Variants in CLTA observed in about 807,000 individuals in gnomAD.
CLTA encodes clathrin light chain A, also known as clathrin, light polypeptide (Lca).
A neutral mutation model predicts 26.9 loss-of-function variants in CLTA; 9 were observed. That is an observed-to-expected ratio of 0.33 (90% CI 0.20 to 0.58). The LOEUF (loss-of-function observed/expected upper bound fraction) is 0.58. Among genes scored for constraint, CLTA ranks in the 20% least tolerant of loss-of-function variants. The pLI is 0.85. For missense variants in CLTA, 278 were observed against 294.2 expected (o/e 0.94, Z 0.40); for synonymous variants, 120 against 115.5 (o/e 1.04, Z -0.25).
At chr9:36,205,547 TG>T (rs1827668245) in intron 4 of CLTA, among the ~76,000 whole-genome samples, 1 of 152,316 alleles carries the variant, frequency 6.6e-6, no homozygotes, top group East Asian at 1.9e-4. Flanking sequence ...AAGTTTAGTC[TG>T]AAGTACTGTA....
At chr9:36,203,610 A>G (rs1827546566) in intron 3 of CLTA, among the ~76,000 whole-genome samples, 1 of 152,218 alleles carries the variant, frequency 6.6e-6, no homozygotes, top group Admixed American at 6.5e-5. Flanking sequence ...CTAGTTTGGG[A>G]GAAGAGGTAA....
At chr9:36,211,066 C>T (rs1255167053) in intron 4 of CLTA, among the ~76,000 whole-genome samples, 1 of 152,192 alleles carries the variant, frequency 6.6e-6, no homozygotes, top group Non-Finnish European at 1.5e-5. Context: ...TAACAAACCC[C>T]CTTCCAGAAT....
intron 3 of CLTA, among the ~76,000 whole-genome samples, chr9:36,201,627 T>C (rs548753584): frequency 1.3e-5 from 2 of 152,332 alleles, no homozygotes; most frequent in South Asian, 2.1e-4. Context: ...TCAAAATACA[T>C]TGAAAGAAAA....
In CLTA at chr9:36,211,841, C is replaced by T; in HGVS notation, c.*67C>T. ...CCTACTCAGTGAAGCTCTTCACAGT[C>T]ATTGGATTAATTATGTTGAGTTCTT... On this transcript the variant is annotated 3_prime_UTR_variant, in exon 5 of 5. Coordinates refer to ENST00000345519, the MANE Select transcript of CLTA (RefSeq NM_001833.4). 7.6e-7 allele frequency: 1 copy of T among 1,317,768 alleles called. No homozygotes were observed. The highest frequency in any genetic ancestry group is 1.1e-6 in the Non-Finnish European group (1 of 941,588). The allele number at this position is 1,317,768 out of a possible 1,614,324, so 81.6% of individuals were successfully genotyped here. A position where few individuals can be genotyped will look rare whatever the true frequency, so the allele number is the denominator to read the frequency against.
At chr9:36,197,692 C>T (rs1827135007) in intron 2 of CLTA, 104 bp downstream of exon 2, 2 of 800,370 alleles carry the variant, frequency 2.5e-6, no homozygotes, top group Non-Finnish European at 4.1e-6. Context: ...TTTGACTTTC[C>T]TGAATGTATT....
intron 1 of CLTA, 142 bp downstream of exon 1, chr9:36,191,415 C>G (rs550984188): frequency 1.9e-6 from 2 of 1,047,896 alleles, no homozygotes; most frequent in East Asian, 6.2e-5. Context: ...AGACCCTGGC[C>G]CGGTCTTTCA....
intron 3 of CLTA, among the ~76,000 whole-genome samples, 181 bp downstream of exon 3, chr9:36,199,277 G>A (rs928010635): frequency 4.6e-5 from 7 of 152,096 alleles, no homozygotes; most frequent in Non-Finnish European, 7.4e-5. Flanking sequence ...AGGCCATTGT[G>A]TGAGGAGTAG....
At chr9:36,209,585 G>A (rs561220478) in intron 4 of CLTA, among the ~76,000 whole-genome samples, 13 of 152,200 alleles carry the variant, frequency 8.5e-5, no homozygotes, top group Non-Finnish European at 1.6e-4. Context: ...TGTGTCATTT[G>A]CGATCTTATC....
At chr9:36,211,149 C>T (rs1052303343) in intron 4 of CLTA, among the ~76,000 whole-genome samples, 11 of 152,214 alleles carry the variant, frequency 7.2e-5, no homozygotes, top group African/African-American at 2.7e-4. Context: ...CGTTTCTCTC[C>T]AGCCTTAGGA....
rs559033766 is a variant in CLTA, at chr9:36,198,762, A to G, written c.256-217A>G. Among the ~76,000 whole-genome samples, 195 of 149,386 alleles carry G rather than the reference A, an allele frequency of 1.3e-3. 2 individuals carry two copies. Among genetic ancestry groups the G allele is most frequent in the African/African-American group, 4.7e-3 (189 of 40,478 alleles). ...GGCGCAGGCACCTGTAATCTCAGCT[A>G]CTCGGGAGGCTGAGGCAGGAGAATT... On this transcript the variant is annotated intron_variant, in intron 2 of 4. Coordinates refer to ENST00000345519, the MANE Select transcript of CLTA (RefSeq NM_001833.4).
At position 36,197,753 on chromosome 9, in the gene CLTA, A is replaced by G. The variant is rs115429562; in HGVS notation, c.255+165A>G. ...GTGGAAAGATTTAAAGAGAGGTAGCATTGATAAAAAGAGAACTGTTTAAAA... is the reference window on the plus strand; with the variant it reads ...GTGGAAAGATTTAAAGAGAGGTAGCGTTGATAAAAAGAGAACTGTTTAAAA... On this transcript the variant is annotated intron_variant, in intron 2 of 4. Coordinates refer to ENST00000345519, the MANE Select transcript of CLTA (RefSeq NM_001833.4). Among the ~76,000 whole-genome samples the G allele has an allele frequency of 4.7e-3, 710 of 152,352 alleles. 8 individuals are homozygous for G. Among genetic ancestry groups the G allele is most frequent in the African/African-American group, 0.016 (666 of 41,580 alleles).
At chr9:36,201,228 C>T (rs1301668471) in intron 3 of CLTA, among the ~76,000 whole-genome samples, 1 of 152,154 alleles carries the variant, frequency 6.6e-6, no homozygotes, top group Non-Finnish European at 1.5e-5. Flanking sequence ...CAAGGTGTTC[C>T]TTCAATTTCA....
At chr9:36,200,472 C>T (rs1158201038) in intron 3 of CLTA, among the ~76,000 whole-genome samples, 1 of 152,178 alleles carries the variant, frequency 6.6e-6, no homozygotes, top group Non-Finnish European at 1.5e-5. Context: ...GTATTATTCC[C>T]TCTTGGGAAC....
Position 36,206,086 on chromosome 9 carries a change from C to T in CLTA, c.485+1907C>T, listed in dbSNP as rs16933064. 8.1e-3 allele frequency among the ~76,000 whole-genome samples: 1,233 copies of T among 152,224 alleles called. 20 individuals are homozygous for T. Among genetic ancestry groups the T allele is most frequent in the African/African-American group, 0.027 (1,139 of 41,538 alleles). On this transcript the variant is annotated intron_variant, in intron 4 of 4. Transcript: ENST00000345519. ...TGACACCTGTTTTTAGGAGCTCAGT[C>T]TTAAAAGTTTAGTCCCTCCAGGCAT...
At position 36,209,366 on chromosome 9, in the gene CLTA, CTT is replaced by C. The variant is rs760304203; in HGVS notation, c.486-2234_486-2233del. 46 of 1,450,038 alleles carry C rather than the reference CTT, an allele frequency of 3.2e-5. No homozygotes were observed. The Admixed American group carries it at 3.2e-4, about 10-fold the overall frequency. The allele number at this position is 1,450,038 out of a possible 1,614,324, so 89.8% of individuals were successfully genotyped here. ...CTTTTTCTACATCTGATTCTTTCTACTTTTGTTTAGAGTTAATGCTCCTTTTA... is the reference window on the plus strand; with the variant it reads ...CTTTTTCTACATCTGATTCTTTCTACTTGTTTAGAGTTAATGCTCCTTTTA... On this transcript the variant is annotated intron_variant, in intron 4 of 4. Transcript: ENST00000345519.
In CLTA at chr9:36,211,656, A is replaced by G; in HGVS notation, c.539A>G (p.Glu180Gly). 1.2e-6 allele frequency: 2 copies of G among 1,614,064 alleles called. No homozygotes were observed. Among genetic ancestry groups the G allele is most frequent in the Non-Finnish European group, 1.7e-6 (2 of 1,179,940 alleles). ...ATTGACGAGTCGTCCCCAGGCACTG[A>G]GTGGGAACGGGTGGCCCGGCTGTGT... ...NDIDESSPGT[E>G]WERVARLCDF... The change falls in exon 5 of 5, where the codon GAG becomes GGG. Residue 180 changes from glutamate to glycine, a missense_variant. By Grantham distance (98) the Glu-to-Gly change is moderately conservative. Transcript: ENST00000345519.
At chr9:36,199,980 TCA>T (rs1189403781) in intron 3 of CLTA, among the ~76,000 whole-genome samples, 1 of 152,206 alleles carries the variant, frequency 6.6e-6, no homozygotes, top group Non-Finnish European at 1.5e-5. Context: ...TGCTTCAAAG[TCA>T]CTACCCATCC....
chr9:36,206,711 A>G (rs1827745520), intron 4 of CLTA, among the ~76,000 whole-genome samples: 1 of 152,046 alleles, frequency 6.6e-6, no homozygotes, highest in African/African-American at 2.4e-5. Context: ...CCTGCCCAAC[A>G]TGGTGAAACC....
chr9:36,197,126 G>A (rs937004050), intron 1 of CLTA, among the ~76,000 whole-genome samples: 1 of 152,240 alleles, frequency 6.6e-6, no homozygotes, highest in Non-Finnish European at 1.5e-5. Context: ...AGTAAGCCAT[G>A]ATTGGGCCAC....
Sources: gnomAD v4.1 joint callset for allele counts (sites outside exome capture counted in the v4.1 genomes callset) on GRCh38, gnomAD v4.1.1 for gene constraint, MANE v1.5 for transcripts, NCBI Gene and HGNC (gene_info 2026-07-23, HGNC 2026-07-21) for gene names.